The following PARD3 variants were observed in gnomAD, a reference collection of about 807,000 sequenced individuals.
PARD3 encodes the protein par-3 family cell polarity regulator.
A neutral mutation model predicts 155.4 loss-of-function variants in PARD3; 75 were observed. The ratio of observed to expected loss-of-function variants is 0.48; its 90% CI spans 0.40 to 0.58. The LOEUF is 0.58. PARD3 is among the 20% of genes least tolerant of loss of function. The pLI is 0.00. For synonymous variants in PARD3, 576 were observed against 610.5 expected, an observed-to-expected ratio of 0.94 and a Z score of 0.83; for missense variants, 1,642 against 1,721.7, an observed-to-expected ratio of 0.95 and a Z score of 0.82.
At chr10:34,326,921 T>TA (rs1392259972) in intron 19 of PARD3, among the ~76,000 whole-genome samples, 5 of 152,216 alleles carry the variant, frequency 3.3e-5, no homozygotes, top group Non-Finnish European at 7.3e-5. Flanking sequence ...TGATATATCT[T>TA]AAAATCAATA....
intron 2 of PARD3, among the ~76,000 whole-genome samples, chr10:34,654,171 A>T (rs923734561): frequency 2.3e-5 from 3 of 130,890 alleles, no homozygotes; most frequent in African/African-American, 6.5e-5. Flanking sequence ...GTAAAACTGT[A>T]AAAAAAAAAA....
intron 2 of PARD3, among the ~76,000 whole-genome samples, chr10:34,613,936 C>T (rs1346763549): frequency 6.6e-6 from 1 of 152,082 alleles, no homozygotes; most frequent in Non-Finnish European, 1.5e-5. Flanking sequence ...CCTGAACTAA[C>T]TTATTCAAGA....
chr10:34,143,728 TGTAA>T (rs1441019186), intron 22 of PARD3, among the ~76,000 whole-genome samples: 3 of 152,224 alleles, frequency 2.0e-5, no homozygotes, highest in African/African-American at 7.2e-5. Context: ...ATATATCACC[TGTAA>T]GTTTCATAAG....
At chr10:34,113,097 C>A (rs1946473980) in intron 24 of PARD3, among the ~76,000 whole-genome samples, 1 of 152,144 alleles carries the variant, frequency 6.6e-6, no homozygotes, top group Non-Finnish European at 1.5e-5. Flanking sequence ...AAACAAGGAA[C>A]TTGTGACTGA....
chr10:34,254,195 C>G (rs190151576), intron 22 of PARD3, among the ~76,000 whole-genome samples: 3 of 152,226 alleles, frequency 2.0e-5, no homozygotes, highest in Non-Finnish European at 4.4e-5. Context: ...GCCTGGCCAA[C>G]ATGGCGAAAC....
chr10:34,639,061 A>T (rs1299550767), intron 2 of PARD3, among the ~76,000 whole-genome samples: 1 of 152,234 alleles, frequency 6.6e-6, no homozygotes, highest in Non-Finnish European at 1.5e-5. Context: ...ATTCTAATCT[A>T]TGAAAGAAGA....
At chr10:34,681,284 G>C (rs1157355240) in intron 2 of PARD3, among the ~76,000 whole-genome samples, 1 of 151,952 alleles carries the variant, frequency 6.6e-6, no homozygotes, top group Non-Finnish European at 1.5e-5. Context: ...TAAAAGTATT[G>C]TTCTGCCACA....
chr10:34,578,994 T>G (rs1457765258), intron 2 of PARD3, among the ~76,000 whole-genome samples: 1 of 152,156 alleles, frequency 6.6e-6, no homozygotes, highest in Non-Finnish European at 1.5e-5. Flanking sequence ...ATTATAAGGC[T>G]GCGCGCAGTA....
chr10:34,274,997 A>G (rs658885), intron 21 of PARD3, among the ~76,000 whole-genome samples: 96,331 of 151,956 alleles, frequency 0.63, 31,178 homozygotes, highest in African/African-American at 0.75. Context: ...ATTAATTAGC[A>G]GTCAATTTCT....
At chr10:34,769,428 C>T (rs1838547991) in intron 1 of PARD3, among the ~76,000 whole-genome samples, 1 of 152,134 alleles carries the variant, frequency 6.6e-6, no homozygotes. Flanking sequence ...GAATTCAGCC[C>T]ACCTCCTCCC....
chr10:34,595,060 C>T (rs770855674), intron 2 of PARD3, among the ~76,000 whole-genome samples: 12 of 152,204 alleles, frequency 7.9e-5, no homozygotes, highest in Non-Finnish European at 1.2e-4. Context: ...TCTTAATTTA[C>T]TTGCCAAACA....
intron 1 of PARD3, among the ~76,000 whole-genome samples, chr10:34,791,883 T>C (rs1247612824): frequency 6.6e-6 from 1 of 151,124 alleles, no homozygotes; most frequent in African/African-American, 2.4e-5. Context: ...CTGAGACCCT[T>C]CCCAGGGAGC....
chr10:34,755,619 T>C (rs978100545), intron 1 of PARD3, among the ~76,000 whole-genome samples: 9 of 152,278 alleles, frequency 5.9e-5, no homozygotes, highest in African/African-American at 2.2e-4. Context: ...TGTTGGCATC[T>C]GATCAGCTTC....
chr10:34,634,368 G>A (rs2092392031), intron 2 of PARD3, among the ~76,000 whole-genome samples: 1 of 152,096 alleles, frequency 6.6e-6, no homozygotes, highest in African/African-American at 2.4e-5. Flanking sequence ...TCATATATGT[G>A]CAGAAAATTT....
At chr10:34,797,160 A>C (rs546849826) in intron 1 of PARD3, among the ~76,000 whole-genome samples, 1 of 152,286 alleles carries the variant, frequency 6.6e-6, no homozygotes, top group African/African-American at 2.4e-5. Context: ...CAAGGAGCTA[A>C]GTAAGTGGTT....
chr10:34,246,752 ATGG>A (rs1953976730), intron 22 of PARD3, among the ~76,000 whole-genome samples: 1 of 152,136 alleles, frequency 6.6e-6, no homozygotes, highest in Admixed American at 6.5e-5. Flanking sequence ...AGGAGACTGC[ATGG>A]ACTGAATACC....
chr10:34,705,481 CTG>C (rs2133577517), intron 1 of PARD3, among the ~76,000 whole-genome samples: 2 of 136,060 alleles, frequency 1.5e-5, no homozygotes, highest in South Asian at 5.1e-4. Context: ...AGTTCAGACC[CTG>C]TCTCAGGAAA....
At chr10:34,376,264 G>C (rs1432033153) in intron 10 of PARD3, among the ~76,000 whole-genome samples, 1 of 152,142 alleles carries the variant, frequency 6.6e-6, no homozygotes, top group African/African-American at 2.4e-5. Context: ...TAACTCGAAA[G>C]ACATGCAGGT....
intron 19 of PARD3, among the ~76,000 whole-genome samples, chr10:34,319,440 T>A (rs1280591194): frequency 6.6e-6 from 1 of 151,896 alleles, no homozygotes; most frequent in Non-Finnish European, 1.5e-5. Context: ...AGTTATCTCA[T>A]TGTAAGCCAT....
Sources: allele counts gnomAD v4.1 joint callset (sites outside exome capture counted in the v4.1 genomes callset), GRCh38; gene constraint gnomAD v4.1.1; transcripts MANE v1.5; gene names NCBI Gene and HGNC (gene_info 2026-07-23, HGNC 2026-07-21).